NPNT: variants seen among roughly 807,000 people sequenced by gnomAD.
NPNT encodes nephronectin, also known as preosteoblast EGF-like repeat protein with MAM domain.
NPNT carries 45 observed loss-of-function variants against 68.6 expected under a neutral mutation model. The ratio of observed to expected loss-of-function variants is 0.66; its 90% CI spans 0.52 to 0.84. The LOEUF (loss-of-function observed/expected upper bound fraction) is 0.84, where lower values mean the gene tolerates loss of function less well. Among genes scored for constraint, NPNT ranks in the 40% least tolerant of loss-of-function variants. The probability of loss-of-function intolerance (pLI) is 0.00; values close to 1 mark genes in which losing one functional copy is unlikely to be tolerated. For missense variants in NPNT, 672 were observed against 714.8 expected, an observed-to-expected ratio of 0.94 and a Z score of 0.68; for synonymous variants, 233 against 253.3, an observed-to-expected ratio of 0.92 and a Z score of 0.76.
chr4:105,960,430 C>G (rs968443404), intron 10 of NPNT, among the ~76,000 whole-genome samples: 1 of 152,150 alleles, frequency 6.6e-6, no homozygotes, highest in Admixed American at 6.5e-5. Flanking sequence ...CCCTGAAGAT[C>G]TCTATGGTGG....
intron 1 of NPNT, among the ~76,000 whole-genome samples, chr4:105,897,129 C>T (rs997646280): frequency 2.0e-5 from 3 of 152,164 alleles, no homozygotes; most frequent in African/African-American, 7.2e-5. Flanking sequence ...TTAGGTGTGA[C>T]TCTAAACAAG....
chr4:105,941,690 T>C (rs1313905917), intron 7 of NPNT, among the ~76,000 whole-genome samples: 1 of 152,172 alleles, frequency 6.6e-6, no homozygotes, highest in African/African-American at 2.4e-5. Context: ...TCACAGATGA[T>C]CTTTGCAACC....
chr4:105,954,335 T>C (rs926584983), intron 8 of NPNT, among the ~76,000 whole-genome samples: 4 of 152,210 alleles, frequency 2.6e-5, no homozygotes, highest in African/African-American at 9.6e-5. Context: ...TATCTTTTGG[T>C]GGGTAAAACA....
chr4:105,896,008 C>T, intron 1 of NPNT: 1 of 453,776 alleles, frequency 2.2e-6, no homozygotes, highest in Non-Finnish European at 3.9e-6. Flanking sequence ...GCCGCTGGAG[C>T]CTGGGATCTC....
intron 11 of NPNT, among the ~76,000 whole-genome samples, chr4:105,968,596 T>TA (rs907573614): frequency 6.6e-6 from 1 of 152,250 alleles, no homozygotes; most frequent in African/African-American, 2.4e-5. Context: ...CTAACTTTGG[T>TA]AATCCTTGAC....
At chr4:105,943,616 C>T (rs1730160008) in intron 8 of NPNT, among the ~76,000 whole-genome samples, 1 of 152,060 alleles carries the variant, frequency 6.6e-6, no homozygotes, top group Non-Finnish European at 1.5e-5. Context: ...ATTACCAGAC[C>T]AAAATTTGCA....
chr4:105,926,155 C>T (rs1403976240), intron 2 of NPNT, among the ~76,000 whole-genome samples: 1 of 152,142 alleles, frequency 6.6e-6, no homozygotes. Context: ...ACATAAGCCT[C>T]CTCTATGAGG....
At chr4:105,943,119 G>A (rs1165648525) in intron 8 of NPNT, among the ~76,000 whole-genome samples, 1 of 152,182 alleles carries the variant, frequency 6.6e-6, no homozygotes, top group East Asian at 1.9e-4. Flanking sequence ...TTGGGTTCAT[G>A]TAAAGATAAA....
At chr4:105,964,805 A>T (rs1340904336) in intron 10 of NPNT, among the ~76,000 whole-genome samples, 1 of 152,204 alleles carries the variant, frequency 6.6e-6, no homozygotes, top group Admixed American at 6.5e-5. Context: ...TTTTATCTTA[A>T]CATGCAAATT....
At chr4:105,954,359 T>G (rs1336591086) in intron 8 of NPNT, among the ~76,000 whole-genome samples, 1 of 152,190 alleles carries the variant, frequency 6.6e-6, no homozygotes, top group African/African-American at 2.4e-5. Context: ...ACCAATGGTA[T>G]AAAGATTCTG....
At position 105,945,216 on chromosome 4, in the gene NPNT, G is replaced by A. The variant is rs560997078; in HGVS notation, c.1159+2514G>A. Among the ~76,000 whole-genome samples the A allele has an allele frequency of 2.8e-3, 428 of 152,222 alleles. 2 individuals carry two copies. The highest frequency in any genetic ancestry group is 9.7e-3 in the African/African-American group (404 of 41,534). On this transcript the variant is annotated intron_variant, in intron 8 of 11. Transcript: ENST00000379987. The stretch of plus-strand genomic sequence containing the variant: ...GGGGTATGAAAGATTTCTTTTAATG[G>A]AAGAGGTTGTGAAAGAGAGCTTTTC...
chr4:105,895,971 C>G, intron 1 of NPNT: 2 of 548,540 alleles, frequency 3.6e-6, no homozygotes, highest in Non-Finnish European at 6.5e-6. Flanking sequence ...CTCGCCCCGG[C>G]TCGGGAATTA....
intron 2 of NPNT, among the ~76,000 whole-genome samples, chr4:105,922,978 C>T (rs1407127826): frequency 6.6e-6 from 1 of 152,200 alleles, no homozygotes; most frequent in African/African-American, 2.4e-5. Flanking sequence ...TTCTGATCCA[C>T]ACGAAGGTCA....
chr4:105,899,623 T>C (rs1193315310), intron 2 of NPNT, among the ~76,000 whole-genome samples: 1 of 152,212 alleles, frequency 6.6e-6, no homozygotes, highest in African/African-American at 2.4e-5. Context: ...TAGGCAAACA[T>C]TCGTTTGCTT....
chr4:105,928,780 A>G (rs1000046554), intron 3 of NPNT, among the ~76,000 whole-genome samples: 7 of 41,680 alleles, frequency 1.7e-4, no homozygotes, highest in Admixed American at 3.4e-4. Flanking sequence ...AGGTGAAATA[A>G]TCATATGGTG....
intron 10 of NPNT, among the ~76,000 whole-genome samples, chr4:105,966,533 T>G (rs1732151402): frequency 6.6e-6 from 1 of 152,160 alleles, no homozygotes. Context: ...ATGGCTTACC[T>G]CCAAATAAAA....
chr4:105,914,799 G>C (rs1271082102), intron 2 of NPNT, among the ~76,000 whole-genome samples: 1 of 152,086 alleles, frequency 6.6e-6, no homozygotes, highest in South Asian at 2.1e-4. Flanking sequence ...TCAGTAGCCA[G>C]AGGGAGGAGC....
chr4:105,913,119 G>C (rs987527794), intron 2 of NPNT, among the ~76,000 whole-genome samples: 2 of 152,124 alleles, frequency 1.3e-5, no homozygotes, highest in Non-Finnish European at 2.9e-5. Flanking sequence ...TGCCGGCCTC[G>C]GCCTCCCAAA....
At chr4:105,955,104 T>C (rs1731115323) in intron 8 of NPNT, among the ~76,000 whole-genome samples, 1 of 152,226 alleles carries the variant, frequency 6.6e-6, no homozygotes, top group Admixed American at 6.5e-5. Context: ...CTTTTTTAGT[T>C]TCTAAATTTA....
Sources: gnomAD v4.1 joint callset for allele counts (sites outside exome capture counted in the v4.1 genomes callset) on GRCh38, gnomAD v4.1.1 for gene constraint, MANE v1.5 for transcripts, NCBI Gene and HGNC (gene_info 2026-07-23, HGNC 2026-07-21) for gene names.